The following MED27 variants were observed in gnomAD, a reference collection of about 807,000 sequenced individuals.
The protein encoded by MED27 is mediator complex subunit 27.
Under a neutral mutation model 38.2 loss-of-function variants are expected in MED27, and 30 were observed. The observed-to-expected ratio is 0.79, with a 90% CI of 0.59 to 1.07. MED27 has a LOEUF of 1.07. Among genes scored for constraint, MED27 ranks in the 50% least tolerant of loss-of-function variants. The probability of loss-of-function intolerance (pLI) is 0.00; values close to 1 mark genes in which losing one functional copy is unlikely to be tolerated. For synonymous variants in MED27, 122 were observed against 153.5 expected (o/e 0.79, Z 1.52); for missense variants, 289 against 397.5 (o/e 0.73, Z 2.32).
chr9:131,955,571 G>A (rs1008460002), intron 3 of MED27, among the ~76,000 whole-genome samples: 2 of 152,202 alleles, frequency 1.3e-5, no homozygotes, highest in East Asian at 3.8e-4. Context: ...AATGAATGAT[G>A]AGACATCGCT....
At position 131,872,084 on chromosome 9, in the gene MED27, C is replaced by T. The variant is rs888056080; in HGVS notation, c.724-8944G>A. 5.3e-5 allele frequency among the ~76,000 whole-genome samples: 8 copies of T among 152,310 alleles called. No individual in the cohort carries two copies. Among genetic ancestry groups the T allele is most frequent in the African/African-American group, 7.2e-5 (3 of 41,574 alleles). ...ACGCAGCATGCAGGTGAGGAACAGA[C>T]GCTGGAGGCTGACTGCTGGGAACCG... On this transcript the variant is annotated intron_variant, in intron 6 of 7. Coordinates refer to ENST00000292035, the MANE Select transcript of MED27 (RefSeq NM_004269.4). This position sits in a 1 kb window ranked among gnomAD's most constrained non-coding sequence, Gnocchi z 5.6.
intron 4 of MED27, among the ~76,000 whole-genome samples, chr9:131,924,419 C>A (rs1351449050): frequency 6.6e-6 from 1 of 151,616 alleles, no homozygotes; most frequent in Non-Finnish European, 1.5e-5. Flanking sequence ...ATTTTCTATC[C>A]CATTTTTGGT....
chr9:131,860,238 G>A lies in MED27; in HGVS notation c.*300C>T, dbSNP rs1589165019. The A allele has an allele frequency of 1.3e-5, 4 of 299,032 alleles. No homozygotes were observed. The highest frequency in any genetic ancestry group is 2.7e-4 in the South Asian group (2 of 7,310). The allele number at this position is 299,032 out of a possible 1,614,324, so 18.5% of individuals were successfully genotyped here. A position where few individuals can be genotyped will look rare whatever the true frequency, so the allele number is the denominator to read the frequency against. On this transcript the variant is annotated 3_prime_UTR_variant, in exon 8 of 8. Coordinates refer to ENST00000292035, the MANE Select transcript of MED27 (RefSeq NM_004269.4). This position sits in a 1 kb window ranked among gnomAD's most constrained non-coding sequence, Gnocchi z 5.8. ...CATTCCAGTAACAGCTCGCGGAGAC[G>A]ACAGACACCAGCACTGCCGACACAC...
chr9:132,001,050 T>C (rs1383180222), intron 3 of MED27, among the ~76,000 whole-genome samples: 2 of 151,824 alleles, frequency 1.3e-5, no homozygotes, highest in Admixed American at 1.3e-4. Context: ...CGGTGAGCTA[T>C]GATCACACCA....
chr9:131,972,368 G>A (rs1053244632), intron 3 of MED27, among the ~76,000 whole-genome samples: 3 of 152,022 alleles, frequency 2.0e-5, no homozygotes, highest in Admixed American at 6.6e-5. Flanking sequence ...CTATTCTTCA[G>A]AGGTTCTGCA....
At chr9:131,953,698 A>G (rs1831041118) in intron 3 of MED27, among the ~76,000 whole-genome samples, 1 of 152,214 alleles carries the variant, frequency 6.6e-6, no homozygotes, top group South Asian at 2.1e-4. Flanking sequence ...GACTGAGTTT[A>G]GAAACACTAT....
At chr9:132,041,187 A>T (rs935624488) in intron 2 of MED27, among the ~76,000 whole-genome samples, 1 of 152,216 alleles carries the variant, frequency 6.6e-6, no homozygotes, top group African/African-American at 2.4e-5. Flanking sequence ...TCAGCACCTA[A>T]TGTGGGCTGT....
rs145076830 is a variant in MED27 at position 131,909,434 on chromosome 9, G to T, written c.574-15442C>A. Among the ~76,000 whole-genome samples, 12 of 152,290 alleles carry T rather than the reference G, an allele frequency of 7.9e-5. No homozygotes were observed. In the East Asian group the frequency reaches 2.3e-3, roughly 29 times the overall value. ...GCAGCATTAGTGTGGACTCTGAGGG[G>T]CTCAAGGGGGCTCTTCCCCAAAAGT... On this transcript the variant is annotated intron_variant, in intron 4 of 7. Transcript: ENST00000292035.
At chr9:131,929,369 C>A (rs1213183518) in intron 4 of MED27, among the ~76,000 whole-genome samples, 2 of 152,112 alleles carry the variant, frequency 1.3e-5, no homozygotes, top group Non-Finnish European at 2.9e-5. Context: ...TTTGCCTTGC[C>A]CCTTAGGTAC....
chr9:131,894,293 C>T lies in MED27; in HGVS notation c.574-301G>A, dbSNP rs557376147. Among the ~76,000 whole-genome samples, 14 of 152,334 alleles carry T rather than the reference C, an allele frequency of 9.2e-5. No individual in the cohort carries two copies. In the South Asian group the frequency reaches 1.2e-3, roughly 14 times the overall value. ...CTGCTGGAAAAAGTAAAATCCTTCC[C>T]TTTCCCATTTTAAGATTTTCTTTTT... is the stretch of plus-strand genomic sequence containing the variant. On this transcript the variant is annotated intron_variant, in intron 4 of 7. Coordinates refer to ENST00000292035, the MANE Select transcript of MED27 (RefSeq NM_004269.4).
chr9:132,056,734 G>A (rs1833586263), intron 2 of MED27, among the ~76,000 whole-genome samples: 1 of 152,160 alleles, frequency 6.6e-6, no homozygotes, highest in Admixed American at 6.5e-5. Flanking sequence ...ACCTTGCAGA[G>A]GATGACTCAG....
At position 131,907,826 on chromosome 9, in the gene MED27, C is replaced by T. The variant is rs1432586373; in HGVS notation, c.574-13834G>A. Among the ~76,000 whole-genome samples, 115 of 150,282 alleles carry T rather than the reference C, an allele frequency of 7.7e-4. No individual in the cohort carries two copies. The East Asian group carries it at 0.016, about 20-fold the overall frequency. Reference sequence around the variant, plus strand: ...CTAGGAAGTGAGGAGCATCTCTGCCCGGCCGCCCATCGTCTGAGATGTGGG... The same window carrying T: ...CTAGGAAGTGAGGAGCATCTCTGCCTGGCCGCCCATCGTCTGAGATGTGGG... On this transcript the variant is annotated intron_variant, in intron 4 of 7. Transcript: ENST00000292035.
intron 2 of MED27, among the ~76,000 whole-genome samples, chr9:132,076,046 T>C (rs1834039998): frequency 6.6e-6 from 1 of 152,164 alleles, no homozygotes; most frequent in Non-Finnish European, 1.5e-5. Flanking sequence ...ACATGGACAC[T>C]GGGAGGTCAC....
At chr9:131,923,578 C>T (rs1378332045) in intron 4 of MED27, among the ~76,000 whole-genome samples, 1 of 152,180 alleles carries the variant, frequency 6.6e-6, no homozygotes, top group East Asian at 1.9e-4. Flanking sequence ...GTTTTGCATT[C>T]TTCTTTTTTA....
intron 6 of MED27, among the ~76,000 whole-genome samples, chr9:131,870,631 C>A (rs1838815106): frequency 6.6e-6 from 1 of 152,174 alleles, no homozygotes; most frequent in African/African-American, 2.4e-5. Context: ...GCCCCCCACT[C>A]CAGGCCTCTT....
intron 2 of MED27, among the ~76,000 whole-genome samples, chr9:132,017,306 G>T (rs1426259549): frequency 6.6e-6 from 1 of 152,106 alleles, no homozygotes; most frequent in Non-Finnish European, 1.5e-5. Flanking sequence ...AACAGCAGAA[G>T]GGAGTTCAGA....
chr9:131,868,652 G>A (rs539137028), intron 6 of MED27: 2 of 985,496 alleles, frequency 2.0e-6, no homozygotes, highest in South Asian at 9.4e-5. Context: ...GTGGGTGAGG[G>A]CAGCAGTGTG....
chr9:131,907,736 C>T (rs1489132904), intron 4 of MED27, among the ~76,000 whole-genome samples: 1 of 149,150 alleles, frequency 6.7e-6, no homozygotes, highest in African/African-American at 2.5e-5. Context: ...AAGTGAGGAG[C>T]GTCTCTGCCC....
chr9:132,006,265 G>A (rs1231982772), intron 3 of MED27, among the ~76,000 whole-genome samples: 6 of 152,160 alleles, frequency 3.9e-5, no homozygotes, highest in Non-Finnish European at 8.8e-5. Flanking sequence ...AGTGTCCCTG[G>A]AAAAGGAGAC....
Sources: gnomAD v4.1 joint callset for allele counts (sites outside exome capture counted in the v4.1 genomes callset) on GRCh38, gnomAD v4.1.1 for gene constraint, Gnocchi (gnomAD v3.1) non-coding constraint, MANE v1.5 for transcripts, NCBI Gene and HGNC (gene_info 2026-07-23, HGNC 2026-07-21) for gene names.